Variants in GLDC observed in about 807,000 individuals in gnomAD.
GLDC encodes glycine decarboxylase, also known as glycine dehydrogenase (decarboxylating), mitochondrial.
Under a neutral mutation model 121.3 loss-of-function variants are expected in GLDC, and 104 were observed. The observed-to-expected ratio is 0.86, with a 90% CI of 0.73 to 1.01. GLDC has a LOEUF of 1.01. Among genes scored for constraint, GLDC ranks in the 50% least tolerant of loss-of-function variants. The probability of loss-of-function intolerance (pLI) is 0.00; values close to 1 mark genes in which losing one functional copy is unlikely to be tolerated. For synonymous variants in GLDC, 546 were observed against 480.6 expected (o/e 1.14, Z -1.78); for missense variants, 1,429 against 1,306.6 (o/e 1.09, Z -1.44).
Position 6,604,794 on chromosome 9 carries a change from AAGTG to A in GLDC, c.862-14_862-11del. On this transcript the variant is annotated splice_polypyrimidine_tract_variant and intron_variant, in intron 6 of 24. Coordinates refer to ENST00000321612, the MANE Select transcript of GLDC (RefSeq NM_000170.3). Reference sequence around the variant, plus strand: ...CACAGCAGGCCAGGCTCTAGAAAGGAAGTGAGAGAAAAGGAACAAGGTTGCTACC... The same window carrying A: ...CACAGCAGGCCAGGCTCTAGAAAGGAAGAGAAAAGGAACAAGGTTGCTACC... The A allele has an allele frequency of 6.2e-7, 1 of 1,611,086 alleles. No homozygotes were observed. Among genetic ancestry groups the A allele is most frequent in the African/African-American group, 1.3e-5 (1 of 74,984 alleles).
At chr9:6,633,319 C>T (rs1004979148) in intron 2 of GLDC, among the ~76,000 whole-genome samples, 1 of 152,142 alleles carries the variant, frequency 6.6e-6, no homozygotes, top group African/African-American at 2.4e-5. Context: ...TCTTTCTTCC[C>T]CACACTCCAT....
intron 21 of GLDC, among the ~76,000 whole-genome samples, chr9:6,547,621 T>G (rs1817423499): frequency 6.6e-6 from 1 of 152,056 alleles, no homozygotes; most frequent in Non-Finnish European, 1.5e-5. Context: ...TTTCTATGAC[T>G]CTCTCCTAAG....
At chr9:6,572,758 G>A (rs1350286439) in intron 15 of GLDC, among the ~76,000 whole-genome samples, 1 of 152,158 alleles carries the variant, frequency 6.6e-6, no homozygotes, top group Non-Finnish European at 1.5e-5. Context: ...TAATTCTCCA[G>A]CTTTTCCATC....
intron 4 of GLDC, among the ~76,000 whole-genome samples, chr9:6,609,952 C>G (rs1818816244): frequency 6.6e-6 from 1 of 152,162 alleles, no homozygotes. Context: ...CTGCCAACCT[C>G]AGCCCTCCCG....
At chr9:6,631,109 C>T (rs1053719105) in intron 2 of GLDC, among the ~76,000 whole-genome samples, 3 of 152,224 alleles carry the variant, frequency 2.0e-5, no homozygotes, top group South Asian at 4.1e-4. Flanking sequence ...ATGGTCAGGG[C>T]AGCGGCACGC....
chr9:6,594,723 G>A (rs1004321481), intron 9 of GLDC, among the ~76,000 whole-genome samples: 4 of 149,690 alleles, frequency 2.7e-5, no homozygotes, highest in Non-Finnish European at 5.9e-5. Context: ...AAGCAAGCAA[G>A]CAAACAAGAA....
intron 4 of GLDC, among the ~76,000 whole-genome samples, chr9:6,608,584 CAA>C (rs543094309): frequency 7.5e-6 from 1 of 133,132 alleles, no homozygotes; most frequent in Non-Finnish European, 1.6e-5. Context: ...ACTAAAAATA[CAA>C]AAAAAAAAAA....
chr9:6,641,450 C>A (rs141660882), intron 2 of GLDC, among the ~76,000 whole-genome samples: 1 of 152,260 alleles, frequency 6.6e-6, no homozygotes, highest in Non-Finnish European at 1.5e-5. Flanking sequence ...AGAAGTTTTC[C>A]ACTTTGTACA....
At chr9:6,613,976 C>T (rs1220420556) in intron 3 of GLDC, among the ~76,000 whole-genome samples, 2 of 152,094 alleles carry the variant, frequency 1.3e-5, no homozygotes, top group African/African-American at 2.4e-5. Flanking sequence ...AGGGTTTCAC[C>T]ATGTTGGCCA....
chr9:6,576,759 G>A (rs1015541925), intron 15 of GLDC, among the ~76,000 whole-genome samples: 9 of 152,174 alleles, frequency 5.9e-5, no homozygotes, highest in African/African-American at 9.7e-5. Flanking sequence ...GAACCACCGC[G>A]TCTGGCCTGG....
chr9:6,548,609 A>G (rs1461299998), intron 21 of GLDC, among the ~76,000 whole-genome samples: 1 of 152,198 alleles, frequency 6.6e-6, no homozygotes, highest in Non-Finnish European at 1.5e-5. Flanking sequence ...GATCACAGCT[A>G]TAGAGCTACA....
chr9:6,561,323 T>A (rs1317127546), intron 16 of GLDC, among the ~76,000 whole-genome samples: 1 of 152,168 alleles, frequency 6.6e-6, no homozygotes, highest in Non-Finnish European at 1.5e-5. Flanking sequence ...CTTTAATTAT[T>A]CTTTATAATG....
intron 24 of GLDC, 150 bp from the exon 25 acceptor site, chr9:6,533,310 TA>T (rs1034841159): frequency 1.2e-5 from 9 of 774,396 alleles, no homozygotes; most frequent in Non-Finnish European, 1.9e-5. Flanking sequence ...CATTACCATT[TA>T]AAAAAAAGAG....
At chr9:6,615,131 G>C (rs1313785191) in intron 3 of GLDC, among the ~76,000 whole-genome samples, 2 of 152,152 alleles carry the variant, frequency 1.3e-5, no homozygotes, top group Admixed American at 6.5e-5. Flanking sequence ...ACCTATATGA[G>C]AGATTTTTCT....
intron 18 of GLDC, 137 bp downstream of exon 18, chr9:6,556,016 A>T (rs954227291): frequency 5.9e-6 from 4 of 673,402 alleles, no homozygotes; most frequent in African/African-American, 5.4e-5. Flanking sequence ...GCCATGAGAG[A>T]TCAACAACCA....
chr9:6,615,278 T>C (rs1410187848), intron 3 of GLDC, among the ~76,000 whole-genome samples: 1 of 152,168 alleles, frequency 6.6e-6, no homozygotes, highest in African/African-American at 2.4e-5. Flanking sequence ...TCTGTCTATA[T>C]GTGTCTGTGT....
chr9:6,544,956 A>G (rs754520579), intron 21 of GLDC, among the ~76,000 whole-genome samples: 4 of 152,068 alleles, frequency 2.6e-5, no homozygotes, highest in Admixed American at 2.6e-4. Context: ...AAAGTTAGCC[A>G]GGCATGGTGG....
At chr9:6,626,757 G>C (rs1372124048) in intron 2 of GLDC, among the ~76,000 whole-genome samples, 1 of 152,148 alleles carries the variant, frequency 6.6e-6, no homozygotes, top group Non-Finnish European at 1.5e-5. Flanking sequence ...CAAGCCCCTT[G>C]CGAGAGAGCC....
intron 3 of GLDC, among the ~76,000 whole-genome samples, chr9:6,617,951 C>T (rs558337479): frequency 6.6e-6 from 1 of 152,176 alleles, no homozygotes; most frequent in Non-Finnish European, 1.5e-5. Context: ...ATATGTTAAT[C>T]TAAAAGCCAA....
Sources: gnomAD v4.1 joint callset for allele counts (sites outside exome capture counted in the v4.1 genomes callset) on GRCh38, gnomAD v4.1.1 for gene constraint, MANE v1.5 for transcripts, NCBI Gene and HGNC (gene_info 2026-07-23, HGNC 2026-07-21) for gene names.